TRIM29: variants seen among roughly 807,000 people sequenced by gnomAD.
TRIM29 encodes the protein tripartite motif-containing protein 29.
Under a neutral mutation model 57.3 loss-of-function variants are expected in TRIM29, and 52 were observed. That is an observed-to-expected ratio of 0.91 (90% confidence interval 0.73 to 1.14). The LOEUF (loss-of-function observed/expected upper bound fraction) is 1.14. Ranked by LOEUF, TRIM29 falls within the 50% of genes most tolerant of loss-of-function variation. The pLI is 0.00. For synonymous variants in TRIM29, 319 were observed against 316.9 expected (o/e 1.01, Z -0.07); for missense variants, 753 against 774.6 (o/e 0.97, Z 0.33).
At chr11:120,125,952 T>C (rs1317671959) in intron 3 of TRIM29, 63 bp from the exon 4 acceptor site, 2 of 1,535,740 alleles carry the variant, frequency 1.3e-6, no homozygotes, top group Non-Finnish European at 1.8e-6. Context: ...GACGCTTCTC[T>C]GCCAGGGGCT....
At chr11:120,122,295 G>C (rs1863475402) in intron 5 of TRIM29, among the ~76,000 whole-genome samples, 1 of 152,100 alleles carries the variant, frequency 6.6e-6, no homozygotes, top group Non-Finnish European at 1.5e-5. Flanking sequence ...CATGGTCCGA[G>C]GGCTGGCACA....
chr11:120,113,488 C>A (rs1372862053), intron 8 of TRIM29: 1 of 371,574 alleles, frequency 2.7e-6, no homozygotes, highest in South Asian at 2.0e-5. Context: ...CACTCCCATG[C>A]CCTGCAGATC....
chr11:120,136,194 G>T (rs1156956353), intron 1 of TRIM29, among the ~76,000 whole-genome samples: 1 of 152,202 alleles, frequency 6.6e-6, no homozygotes, highest in Admixed American at 6.5e-5. Context: ...CTCAACTTGT[G>T]ATGGGGTTAT....
intron 1 of TRIM29, among the ~76,000 whole-genome samples, chr11:120,135,854 A>G (rs1234699232): frequency 6.6e-6 from 1 of 152,150 alleles, no homozygotes; most frequent in Non-Finnish European, 1.5e-5. Flanking sequence ...TCTTCAGGAA[A>G]GTGGAGTTCA....
chr11:120,130,130 A>G (rs1259774954), intron 1 of TRIM29, among the ~76,000 whole-genome samples: 1 of 152,138 alleles, frequency 6.6e-6, no homozygotes, highest in African/African-American at 2.4e-5. Flanking sequence ...CCCAGGAAAC[A>G]CAGGCTGGCA....
At position 120,122,131 on chromosome 11, in the gene TRIM29, A is replaced by AGTGTGTGTGTGTGT. The variant is rs72245071; in HGVS notation, c.1435+809_1435+822dup. On this transcript the variant is annotated intron_variant, in intron 5 of 8. Transcript: ENST00000341846. ...CCAAGCCTCTCCCATTGTGTGTGTG[A>AGTGTGTGTGTGTGT]GTGTGTGTGTGTGTGTGTGTGTGTG... 902 of 203,976 alleles carry AGTGTGTGTGTGTGT rather than the reference A, an allele frequency of 4.4e-3. 16 individuals carry two copies. Among genetic ancestry groups the AGTGTGTGTGTGTGT allele is most frequent in the African/African-American group, 0.023 (815 of 35,660 alleles). 12.6% of individuals were successfully genotyped at this position (203,976 alleles called of 1,614,324 possible).
At chr11:120,130,649 A>G (rs1863702169) in intron 1 of TRIM29, among the ~76,000 whole-genome samples, 1 of 152,168 alleles carries the variant, frequency 6.6e-6, no homozygotes, top group African/African-American at 2.4e-5. Context: ...ATGCCCTGGG[A>G]TTGGGAGTGA....
At position 120,137,543 on chromosome 11, in the gene TRIM29, C is replaced by A. The variant is rs1863845126; in HGVS notation, c.489G>T (p.Arg163=). The A allele has an allele frequency of 6.2e-7, 1 of 1,608,940 alleles. No individual in the cohort carries two copies. The highest frequency in any genetic ancestry group is 8.5e-7 in the Non-Finnish European group (1 of 1,179,958). ...YPRADTGLFS[R]SKSGSEEVLC... ...GCACCTCCTCGGAGCCGGACTTGGA[C>A]CGTGAAAAAAGGCCCGTGTCGGCCC... Residue 163 remains arginine, a synonymous_variant, in exon 1 of 9, where the codon CGG becomes CGT. Coordinates refer to ENST00000341846, the MANE Select transcript of TRIM29 (RefSeq NM_012101.4). This position sits in a 1 kb window ranked among gnomAD's most constrained non-coding sequence, Gnocchi z 6.2.
At chr11:120,128,871 G>T in intron 1 of TRIM29, 1 of 1,479,720 alleles carries the variant, frequency 6.8e-7, no homozygotes, top group Non-Finnish European at 9.0e-7. Flanking sequence ...GAAAGGAAGG[G>T]GATCCAGCCC....
intron 1 of TRIM29, chr11:120,128,913 C>T (rs1591328833): frequency 3.5e-6 from 5 of 1,414,120 alleles, no homozygotes; most frequent in South Asian, 1.4e-5. Context: ...GGGAGTGTCT[C>T]GTGGCAGTAA....
At chr11:120,129,001 G>A (rs945799313) in intron 1 of TRIM29, 100 of 1,067,760 alleles carry the variant, frequency 9.4e-5, no homozygotes, top group African/African-American at 1.1e-4. Context: ...CGTGGACTCC[G>A]TCTGGGCAGG....
chr11:120,128,511 C>A lies in TRIM29; in HGVS notation c.805-16G>T, dbSNP rs1182687573. 6.2e-7 allele frequency: 1 copy of A among 1,605,650 alleles called. No homozygotes were observed. The stretch of plus-strand genomic sequence containing the variant: ...ACAGCTCCGTCTGCAGAGAAAGAGC[C>A]AGGATTGGAGAAGTCAGGGGGAGGA... On this transcript the variant is annotated splice_polypyrimidine_tract_variant and intron_variant, in intron 1 of 8. Transcript: ENST00000341846.
chr11:120,119,281 C>T (rs1420203484), intron 6 of TRIM29, among the ~76,000 whole-genome samples: 2 of 152,152 alleles, frequency 1.3e-5, no homozygotes, highest in African/African-American at 4.8e-5. Flanking sequence ...CACACCCCCA[C>T]CTGCCAGGCT....
chr11:120,132,396 C>T (rs1313521887), intron 1 of TRIM29, among the ~76,000 whole-genome samples: 1 of 152,192 alleles, frequency 6.6e-6, no homozygotes, highest in Non-Finnish European at 1.5e-5. Flanking sequence ...TTCATTCCTC[C>T]CTGCCCAGGC....
At chr11:120,114,902 T>C (rs1177809680) in intron 8 of TRIM29, among the ~76,000 whole-genome samples, 1 of 151,924 alleles carries the variant, frequency 6.6e-6, no homozygotes, top group Non-Finnish European at 1.5e-5. Flanking sequence ...ACCCCCACAT[T>C]ATCACCCCAA....
intron 8 of TRIM29, among the ~76,000 whole-genome samples, chr11:120,114,422 A>T (rs1012452113): frequency 4.6e-5 from 7 of 152,156 alleles, no homozygotes; most frequent in Non-Finnish European, 8.8e-5. Flanking sequence ...AACCAACCCC[A>T]GCCATTCTTT....
chr11:120,118,593 G>T (rs1407532115), intron 6 of TRIM29, among the ~76,000 whole-genome samples: 1 of 152,102 alleles, frequency 6.6e-6, no homozygotes, highest in Non-Finnish European at 1.5e-5. Context: ...GAGCTCTGTC[G>T]TGAGTTGCTC....
rs1863845364 is a variant in TRIM29 at position 120,137,549 on chromosome 11, A to G, written c.483T>C (p.Phe161=). The G allele has an allele frequency of 6.2e-7, 1 of 1,609,818 alleles. No individual in the cohort carries two copies. Among genetic ancestry groups the G allele is most frequent in the Non-Finnish European group, 8.5e-7 (1 of 1,179,938 alleles). ...NSYPRADTGL[F]SRSKSGSEEV... ...CCTCGGAGCCGGACTTGGACCGTGA[A>G]AAAAGGCCCGTGTCGGCCCGGGGGT... Residue 161 remains phenylalanine, a synonymous_variant, in exon 1 of 9, where the codon TTT becomes TTC. Coordinates refer to ENST00000341846, the MANE Select transcript of TRIM29 (RefSeq NM_012101.4). The surrounding 1 kb of genome is among the most constrained non-coding windows in gnomAD (Gnocchi z 6.2).
At chr11:120,131,709 C>T (rs910168448) in intron 1 of TRIM29, among the ~76,000 whole-genome samples, 6 of 151,686 alleles carry the variant, frequency 4.0e-5, no homozygotes, top group African/African-American at 1.5e-4. Flanking sequence ...CCTACCCTGT[C>T]GGGGGAGGAG....
Sources: gnomAD v4.1 joint callset for allele counts (sites outside exome capture counted in the v4.1 genomes callset) on GRCh38, gnomAD v4.1.1 for gene constraint, Gnocchi (gnomAD v3.1) non-coding constraint, MANE v1.5 for transcripts, NCBI Gene and HGNC (gene_info 2026-07-23, HGNC 2026-07-21) for gene names.